SNTG2: variants seen among roughly 807,000 people sequenced by gnomAD.
SNTG2 encodes gamma-2-syntrophin.
SNTG2 carries 74 observed loss-of-function variants against 70.9 expected under a neutral mutation model. That is an observed-to-expected ratio of 1.04 (90% CI 0.86 to 1.27). The LOEUF (loss-of-function observed/expected upper bound fraction) is 1.27. Ranked by LOEUF, SNTG2 falls within the 50% of genes most tolerant of loss-of-function variation. The pLI is 0.00. For synonymous variants in SNTG2, 278 were observed against 273.8 expected, an observed-to-expected ratio of 1.02 and a Z score of -0.15; for missense variants, 717 against 690.7, an observed-to-expected ratio of 1.04 and a Z score of -0.43.
chr2:1,251,231 T>G (rs903417389), intron 12 of SNTG2, among the ~76,000 whole-genome samples: 3 of 152,232 alleles, frequency 2.0e-5, no homozygotes, highest in African/African-American at 7.2e-5. Context: ...CCATCCAAAA[T>G]GGTCATTGAC....
At chr2:1,259,752 A>C (rs1267034822) in intron 13 of SNTG2, among the ~76,000 whole-genome samples, 4 of 152,130 alleles carry the variant, frequency 2.6e-5, no homozygotes, top group Non-Finnish European at 5.9e-5. Context: ...TATTCCAAGA[A>C]CTTTAGATTT....
chr2:1,319,010 T>G (rs1248014026), intron 16 of SNTG2, among the ~76,000 whole-genome samples: 2 of 152,226 alleles, frequency 1.3e-5, no homozygotes, highest in Non-Finnish European at 2.9e-5. Context: ...TATTTGTGTT[T>G]TATTTGTTAA....
intron 2 of SNTG2, among the ~76,000 whole-genome samples, chr2:1,089,169 C>A (rs892187861): frequency 2.6e-5 from 4 of 152,174 alleles, no homozygotes; most frequent in African/African-American, 9.7e-5. Context: ...TATCTGTCAT[C>A]ACTTGGATAG....
chr2:1,351,483 G>C lies in SNTG2; in HGVS notation c.1489-15860G>C, dbSNP rs558018261. ...GTAAATCACGGAGTAACCTGTTCAC[G>C]ATTACAGAGAACACTGCCAAGGAAG... On this transcript the variant is annotated intron_variant, in intron 16 of 16. Coordinates refer to ENST00000308624, the MANE Select transcript of SNTG2 (RefSeq NM_018968.4). Among the ~76,000 whole-genome samples the C allele has an allele frequency of 2.6e-5, 4 of 152,228 alleles. No homozygotes were observed. The East Asian group carries it at 5.8e-4, about 22-fold the overall frequency.
chr2:956,188 A>G (rs1385370254), intron 1 of SNTG2, among the ~76,000 whole-genome samples: 3 of 15,094 alleles, frequency 2.0e-4, no homozygotes, highest in African/African-American at 2.5e-4. Flanking sequence ...CCCTGCACCT[A>G]CCCCTGCCCT....
intron 6 of SNTG2, among the ~76,000 whole-genome samples, chr2:1,155,034 C>T (rs1039009736): frequency 2.7e-5 from 4 of 150,820 alleles, no homozygotes; most frequent in African/African-American, 9.8e-5. Context: ...CCACACATAC[C>T]ACACATACAC....
intron 1 of SNTG2, among the ~76,000 whole-genome samples, chr2:1,008,251 T>TCCCTAACTAA (rs1558307432): frequency 6.6e-6 from 1 of 152,210 alleles, no homozygotes; most frequent in Non-Finnish European, 1.5e-5. Context: ...TCTCTTTAGT[T>TCCCTAACTAA]AGGGGACATT....
Position 1,098,237 on chromosome 2 carries a change from G to A in SNTG2, c.252G>A (p.Leu84=). 3.1e-6 allele frequency: 5 copies of A among 1,614,018 alleles called. No homozygotes were observed. Among genetic ancestry groups the A allele is most frequent in the Non-Finnish European group, 4.2e-6 (5 of 1,179,898 alleles). ...TCCGCAGACAGCCAGTTGGCGGCTT[G>A]GGCCTGAGTATAAAGGTATGGAAAT... ...VTLRRQPVGG[L]GLSIKGGSEH... The change falls in exon 3 of 17, where the codon TTG becomes TTA. Residue 84 remains leucine (L), a synonymous_variant. Transcript: ENST00000308624.
chr2:1,333,690 G>A (rs1659650306), intron 16 of SNTG2, among the ~76,000 whole-genome samples: 1 of 152,164 alleles, frequency 6.6e-6, no homozygotes. Context: ...ATTGGGGAAA[G>A]AGAACTCTAT....
At chr2:1,256,843 G>C (rs943407039) in intron 12 of SNTG2, among the ~76,000 whole-genome samples, 3 of 152,192 alleles carry the variant, frequency 2.0e-5, no homozygotes, top group African/African-American at 7.2e-5. Context: ...ACTTGGAAGA[G>C]GGGAGGGAGA....
intron 1 of SNTG2, among the ~76,000 whole-genome samples, chr2:1,069,938 C>T (rs186179406): frequency 1.2e-4 from 19 of 152,252 alleles, no homozygotes; most frequent in Admixed American, 7.8e-4. Context: ...CACTCCTCAC[C>T]GCCTAGGTTC....
chr2:1,187,566 TACAC>T (rs1408920745), intron 8 of SNTG2, among the ~76,000 whole-genome samples: 1 of 152,216 alleles, frequency 6.6e-6, no homozygotes, highest in African/African-American at 2.4e-5. Flanking sequence ...TTTATCTCTC[TACAC>T]ACACAAACAC....
chr2:1,251,168 T>A (rs928389194), intron 12 of SNTG2, among the ~76,000 whole-genome samples: 1 of 152,356 alleles, frequency 6.6e-6, no homozygotes, highest in Non-Finnish European at 1.5e-5. Flanking sequence ...CAGATAGATT[T>A]ACCATTAGGC....
At chr2:1,221,811 C>CTGTCTCTGTT (rs1274024167) in intron 9 of SNTG2, among the ~76,000 whole-genome samples, 1 of 11,798 alleles carries the variant, frequency 8.5e-5, no homozygotes, top group Non-Finnish European at 1.5e-4. Flanking sequence ...CTGTCTCTCT[C>CTGTCTCTGTT]TCGGTCTCTG....
chr2:1,052,833 A>C (rs571147745), intron 1 of SNTG2, among the ~76,000 whole-genome samples: 2 of 152,244 alleles, frequency 1.3e-5, no homozygotes, highest in East Asian at 3.9e-4. Context: ...TTTCACCTTT[A>C]GTTTCTGCAT....
intron 8 of SNTG2, among the ~76,000 whole-genome samples, chr2:1,193,610 A>AG (rs1280573716): frequency 1.3e-5 from 2 of 152,066 alleles, no homozygotes; most frequent in Non-Finnish European, 2.9e-5. Flanking sequence ...GAAGAAAAAA[A>AG]AACATTTTTA....
intron 4 of SNTG2, among the ~76,000 whole-genome samples, chr2:1,127,303 A>T (rs1442511864): frequency 6.6e-6 from 1 of 151,982 alleles, no homozygotes; most frequent in Non-Finnish European, 1.5e-5. Flanking sequence ...TGGGATACTT[A>T]TCTTGTTTGA....
At chr2:1,282,337 T>C (rs1483508176) in intron 14 of SNTG2, among the ~76,000 whole-genome samples, 1 of 152,248 alleles carries the variant, frequency 6.6e-6, no homozygotes, top group South Asian at 2.1e-4. Context: ...CATTGTCTTG[T>C]GAGCCCTTAG....
intron 4 of SNTG2, among the ~76,000 whole-genome samples, chr2:1,101,347 C>A (rs1439661537): frequency 2.0e-5 from 3 of 152,338 alleles, no homozygotes; most frequent in African/African-American, 4.8e-5. Flanking sequence ...TGCCTCTCCC[C>A]ACTGGGATCC....
Sources: gnomAD v4.1 joint callset for allele counts (sites outside exome capture counted in the v4.1 genomes callset) on GRCh38, gnomAD v4.1.1 for gene constraint, MANE v1.5 for transcripts, NCBI Gene and HGNC (gene_info 2026-07-23, HGNC 2026-07-21) for gene names.